Variants in VSIG10L2 observed in about 807,000 individuals in gnomAD.
VSIG10L2 encodes V-set and immunoglobulin domain containing 10 like 2, also known as V-set and immunoglobulin domain-containing protein 10-like 2.
Under a neutral mutation model 67.1 loss-of-function variants are expected in VSIG10L2, and 56 were observed. The ratio of observed to expected loss-of-function variants is 0.83; its 90% CI spans 0.67 to 1.04. The LOEUF (loss-of-function observed/expected upper bound fraction) is 1.04, where lower values mean the gene tolerates loss of function less well. Among genes scored for constraint, VSIG10L2 ranks in the 50% least tolerant of loss-of-function variants. VSIG10L2 has a pLI of 0.00. For missense variants in VSIG10L2, 843 were observed against 932.8 expected, an observed-to-expected ratio of 0.90 and a Z score of 1.25; for synonymous variants, 360 against 396.6, an observed-to-expected ratio of 0.91 and a Z score of 1.10.
At position 125,955,472 on chromosome 11, in the gene VSIG10L2, C is replaced by A; in HGVS notation, c.2207-10C>A. 1 of 756,834 alleles carries A rather than the reference C, an allele frequency of 1.3e-6. No homozygotes were observed. Among genetic ancestry groups the A allele is most frequent in the Non-Finnish European group, 2.1e-6 (1 of 478,888 alleles). 46.9% of individuals were successfully genotyped at this position (756,834 alleles called of 1,614,324 possible). ...GCCAAGTAATGCTCCTTTTCTTTTCCTTCCTACAGGCCTTGGTCAATTGCT... is the reference window on the plus strand; with the variant it reads ...GCCAAGTAATGCTCCTTTTCTTTTCATTCCTACAGGCCTTGGTCAATTGCT... On this transcript the variant is annotated splice_polypyrimidine_tract_variant and intron_variant, in intron 9 of 11. Coordinates refer to ENST00000686984, the MANE Select transcript of VSIG10L2 (RefSeq NM_001365077.2).
rs1435038289 is a variant in VSIG10L2, at chr11:125,951,992, G to A, written c.1414G>A (p.Glu472Lys). 1 of 1,487,428 alleles carries A rather than the reference G, an allele frequency of 6.7e-7. No homozygotes were observed. The highest frequency in any genetic ancestry group is 1.2e-5 in the South Asian group (1 of 82,854). The allele number at this position is 1,487,428 out of a possible 1,614,324, so 92.1% of individuals were successfully genotyped here. A position where few individuals can be genotyped will look rare whatever the true frequency, so the allele number is the denominator to read the frequency against. Reference sequence around the variant, plus strand: ...GGCCGTTCACCTCCTGCAGGCCCAAGAAGATCTGGCTGGCAGAGAGTTCAC... The same window carrying A: ...GGCCGTTCACCTCCTGCAGGCCCAAAAAGATCTGGCTGGCAGAGAGTTCAC... ...SMAVHLLQAQ[E>K]DLAGREFTCR... The change falls in exon 6 of 12, where the codon GAA (glutamate) becomes AAA (lysine). Residue 472 changes from glutamate to lysine, a missense_variant. Coordinates refer to ENST00000686984, the MANE Select transcript of VSIG10L2 (RefSeq NM_001365077.2).
chr11:125,950,547 A>C (rs1314115694), intron 4 of VSIG10L2, among the ~76,000 whole-genome samples: 2 of 152,300 alleles, frequency 1.3e-5, no homozygotes, highest in East Asian at 3.9e-4. Flanking sequence ...CTAAGTGATT[A>C]TTCCCATGGC....
Position 125,955,815 on chromosome 11 carries a change from A to G in VSIG10L2, c.2285-2A>G. 1 of 771,954 alleles carries G rather than the reference A, an allele frequency of 1.3e-6. No individual in the cohort carries two copies. The highest frequency in any genetic ancestry group is 2.7e-5 in the East Asian group (1 of 37,598). 47.8% of individuals were successfully genotyped at this position (771,954 alleles called of 1,614,324 possible). ...TTCTTTGCCCACATATGCTCTTCATAGGCCTTGAAACACCAACCACCACCC... is the reference window on the plus strand; with the variant it reads ...TTCTTTGCCCACATATGCTCTTCATGGGCCTTGAAACACCAACCACCACCC... On this transcript the variant is annotated splice_acceptor_variant, in intron 11 of 11. Transcript: ENST00000686984. LOFTEE classifies it high-confidence loss of function.
intron 8 of VSIG10L2, 83 bp downstream of exon 8, chr11:125,954,466 C>T: frequency 1.8e-6 from 2 of 1,133,498 alleles, no homozygotes; most frequent in Non-Finnish European, 2.2e-6. Context: ...AGGGCATCCC[C>T]TCCTCTCTTC....
At chr11:125,953,779 A>T in intron 7 of VSIG10L2, 89 bp downstream of exon 7, 1 of 1,196,584 alleles carries the variant, frequency 8.4e-7, no homozygotes, top group Non-Finnish European at 1.0e-6. Context: ...AGGCACAAGG[A>T]TTCCCTGCTC....
chr11:125,952,153 G>A lies in VSIG10L2; in HGVS notation c.1495+80G>A, dbSNP rs979046381. On this transcript the variant is annotated intron_variant, in intron 6 of 11. Coordinates refer to ENST00000686984, the MANE Select transcript of VSIG10L2 (RefSeq NM_001365077.2). Reference sequence around the variant, plus strand: ...TGGAATCAGGATAAAGAGATCTTAGGGGGTGGCTGTGCTGGCATGGAAAGT... The same window carrying A: ...TGGAATCAGGATAAAGAGATCTTAGAGGGTGGCTGTGCTGGCATGGAAAGT... The A allele has an allele frequency of 2.8e-5, 40 of 1,445,734 alleles. No homozygotes were observed. The East Asian group carries it at 4.3e-4, about 15-fold the overall frequency. 89.6% of individuals were successfully genotyped at this position (1,445,734 alleles called of 1,614,324 possible). A position where few individuals can be genotyped will look rare whatever the true frequency, so the allele number is the denominator to read the frequency against.
In VSIG10L2 at chr11:125,956,012, G is replaced by A; in HGVS notation, c.*98G>A. On this transcript the variant is annotated 3_prime_UTR_variant, in exon 12 of 12. Transcript: ENST00000686984. ...TTGGTCATAAAACCAACGTAGCTAA[G>A]ACACCAACTACCACTTTCACTTAAT... 1.5e-6 allele frequency: 1 copy of A among 657,562 alleles called. No individual in the cohort carries two copies. Among genetic ancestry groups the A allele is most frequent in the Non-Finnish European group, 2.7e-6 (1 of 364,458 alleles). 40.7% of individuals were successfully genotyped at this position (657,562 alleles called of 1,614,324 possible). A position where few individuals can be genotyped will look rare whatever the true frequency, so the allele number is the denominator to read the frequency against.
chr11:125,949,732 T>C lies in VSIG10L2; in HGVS notation c.710-282T>C, dbSNP rs149504071. 1.4e-3 allele frequency among the ~76,000 whole-genome samples: 206 copies of C among 152,218 alleles called. 5 individuals are homozygous for C. Among genetic ancestry groups the C allele is most frequent in the East Asian group, 2.7e-3 (14 of 5,152 alleles). On this transcript the variant is annotated intron_variant, in intron 3 of 11. Coordinates refer to ENST00000686984, the MANE Select transcript of VSIG10L2 (RefSeq NM_001365077.2). ...CTCAGTCTCAGGCACATGGGAAGCA[T>C]TGGTCCCCTACCTCTCTTCTGCCCC... is the stretch of plus-strand genomic sequence containing the variant.
intron 8 of VSIG10L2, among the ~76,000 whole-genome samples, chr11:125,954,840 G>A (rs1945431877): frequency 6.6e-6 from 1 of 152,178 alleles, no homozygotes; most frequent in Admixed American, 6.5e-5. Flanking sequence ...AGGGGATTTG[G>A]CAGGAGAGTC....
Position 125,953,525 on chromosome 11 carries a change from CAAA to C in VSIG10L2, c.1624_1626del (p.Lys542del). On this transcript the variant is annotated inframe_deletion, in exon 7 of 12. Transcript: ENST00000686984. ...GCTCCTCTGGCTGGGGCCTCAACAACAAAAAGTGGACCCCGGCACTTCAGGATT... is the reference window on the plus strand; with the variant it reads ...GCTCCTCTGGCTGGGGCCTCAACAACAAGTGGACCCCGGCACTTCAGGATT... 8.1e-7 allele frequency: 1 copy of C among 1,232,264 alleles called. No individual in the cohort carries two copies. 76.3% of individuals were successfully genotyped at this position (1,232,264 alleles called of 1,614,324 possible). A position where few individuals can be genotyped will look rare whatever the true frequency, so the allele number is the denominator to read the frequency against.
chr11:125,947,889 G>A lies in VSIG10L2; in HGVS notation c.286G>A (p.Ala96Thr). The change falls in exon 2 of 12, where the codon GCT (alanine) becomes ACT (threonine). Residue 96 changes from alanine to threonine, a missense_variant. By Grantham distance (58) the Ala-to-Thr change is moderately conservative (BLOSUM62 0). Transcript: ENST00000686984. The stretch of plus-strand genomic sequence containing the variant: ...GTCCAAGGTGGAGGCCATCGCCTCG[G>A]CTCTGGGAGTCGTGAGTCTGAGGAA... ...AMSKVEAIAS[A>T]LGVVSLRNSS... The A allele has an allele frequency of 8.1e-7, 1 of 1,232,360 alleles. No individual in the cohort carries two copies. Among genetic ancestry groups the A allele is most frequent in the Non-Finnish European group, 1.0e-6 (1 of 988,104 alleles). The allele number at this position is 1,232,360 out of a possible 1,614,324, so 76.3% of individuals were successfully genotyped here.
intron 2 of VSIG10L2, 58 bp from the exon 3 acceptor site, chr11:125,948,247 C>A (rs978613719): frequency 1.6e-6 from 2 of 1,232,182 alleles, no homozygotes; most frequent in Non-Finnish European, 2.0e-6. Context: ...GCGCTGGACA[C>A]AGCTGGGCGT....
At chr11:125,947,227 C>T (rs899220717) in intron 1 of VSIG10L2, among the ~76,000 whole-genome samples, 1 of 152,150 alleles carries the variant, frequency 6.6e-6, no homozygotes, top group African/African-American at 2.4e-5. Context: ...CTCCAGACCC[C>T]GAGCCACCAG....
rs1193828007 is a variant in VSIG10L2, at chr11:125,956,098, A to G, written c.*184A>G. Reference sequence around the variant, plus strand: ...AGTGTCCCTAAGTGACATGGTTACAAGAGAAGCCCTGGCCCACCTTGTGGA... The same window carrying G: ...AGTGTCCCTAAGTGACATGGTTACAGGAGAAGCCCTGGCCCACCTTGTGGA... On this transcript the variant is annotated 3_prime_UTR_variant, in exon 12 of 12. Coordinates refer to ENST00000686984, the MANE Select transcript of VSIG10L2 (RefSeq NM_001365077.2). The G allele has an allele frequency of 2.9e-6, 2 of 686,018 alleles. No homozygotes were observed. Among genetic ancestry groups the G allele is most frequent in the Non-Finnish European group, 5.3e-6 (2 of 375,340 alleles). 42.5% of individuals were successfully genotyped at this position (686,018 alleles called of 1,614,324 possible). A position where few individuals can be genotyped will look rare whatever the true frequency, so the allele number is the denominator to read the frequency against.
chr11:125,952,186 T>G (rs1448004370), intron 6 of VSIG10L2, 113 bp downstream of exon 6: 4 of 1,359,742 alleles, frequency 2.9e-6, no homozygotes, highest in Non-Finnish European at 3.9e-6. Flanking sequence ...AGTGAGTCAG[T>G]GCGGACGGGG....
Position 125,948,392 on chromosome 11 carries a change from G to C in VSIG10L2, c.521G>C (p.Gly174Ala), listed in dbSNP as rs1463114531. Residue 174 changes from glycine to alanine, a missense_variant, in exon 3 of 12, where the codon GGC (glycine) becomes GCC (alanine). By Grantham distance (60) the Gly-to-Ala change is moderately conservative. Coordinates refer to ENST00000686984, the MANE Select transcript of VSIG10L2 (RefSeq NM_001365077.2). ...SVVATCAVREGTEPVTFAWQH... is the reference protein window; with the variant it reads ...SVVATCAVREATEPVTFAWQH... ...GTGGCCACGTGTGCAGTGCGGGAGG[G>C]CACAGAGCCCGTGACCTTTGCCTGG... The C allele has an allele frequency of 2.4e-6, 3 of 1,232,362 alleles. No individual in the cohort carries two copies. The Admixed American group carries it at 1.3e-4, about 52-fold the overall frequency. 76.3% of individuals were successfully genotyped at this position (1,232,362 alleles called of 1,614,324 possible).
rs184536675 is a variant in VSIG10L2 at position 125,954,245 on chromosome 11, G to A, written c.1945G>A (p.Glu649Lys). The A allele has an allele frequency of 5.5e-5, 68 of 1,232,232 alleles. No individual in the cohort carries two copies. Among genetic ancestry groups the A allele is most frequent in the Middle Eastern group, 6.2e-4 (2 of 3,208 alleles). 76.3% of individuals were successfully genotyped at this position (1,232,232 alleles called of 1,614,324 possible). Residue 649 changes from glutamate to lysine, a missense_variant, in exon 8 of 12, where the codon GAG becomes AAG. Glu to Lys is a moderately conservative substitution (Grantham distance 56, BLOSUM62 1). Transcript: ENST00000686984. ...CCTGGGCCCAGGAGCTGGGGCGTGG[G>A]AGACAGCAGCTAGTGACATCGAGCC... ...SALGPGAGAW[E>K]TAASDIEPES...
chr11:125,952,869 A>G (rs2134306363), intron 6 of VSIG10L2, among the ~76,000 whole-genome samples: 1 of 152,270 alleles, frequency 6.6e-6, no homozygotes, highest in East Asian at 1.9e-4. Context: ...GGTAACTAGC[A>G]TGTTCTCAGG....
intron 2 of VSIG10L2, 57 bp from the exon 3 acceptor site, chr11:125,948,248 A>G: frequency 5.7e-6 from 7 of 1,231,982 alleles, no homozygotes; most frequent in Non-Finnish European, 7.1e-6. Context: ...CGCTGGACAC[A>G]GCTGGGCGTG....
Sources: gnomAD v4.1 joint callset for allele counts (sites outside exome capture counted in the v4.1 genomes callset) on GRCh38, gnomAD v4.1.1 for gene constraint, MANE v1.5 for transcripts, NCBI Gene and HGNC (gene_info 2026-07-23, HGNC 2026-07-21) for gene names.